The following CREB5 variants were observed in gnomAD, a reference collection of about 807,000 sequenced individuals.
The protein encoded by CREB5 is cyclic AMP-responsive element-binding protein 5.
A neutral mutation model predicts 57.1 loss-of-function variants in CREB5; 19 were observed. That is an observed-to-expected ratio of 0.33 (90% CI 0.23 to 0.49). The LOEUF (loss-of-function observed/expected upper bound fraction) is 0.49, where lower values mean the gene tolerates loss of function less well. Ranked by LOEUF, CREB5 falls within the 20% of genes least tolerant of loss-of-function variation. The probability of loss-of-function intolerance (pLI) is 0.99; values close to 1 mark genes in which losing one functional copy is unlikely to be tolerated. For synonymous variants in CREB5, 238 were observed against 238.3 expected, an observed-to-expected ratio of 1.00 and a Z score of 0.01; for missense variants, 579 against 671.6, an observed-to-expected ratio of 0.86 and a Z score of 1.52.
chr7:28,310,610 T>C (rs1583661359), intron 1 of CREB5, among the ~76,000 whole-genome samples: 3 of 152,268 alleles, frequency 2.0e-5, no homozygotes, highest in African/African-American at 7.2e-5. Flanking sequence ...TACATTTCTC[T>C]ATATATTTGT....
At chr7:28,523,814 C>G (rs922073249) in intron 4 of CREB5, among the ~76,000 whole-genome samples, 1 of 152,220 alleles carries the variant, frequency 6.6e-6, no homozygotes, top group African/African-American at 2.4e-5. Context: ...TCTCTGATCT[C>G]CCCTCACCTG....
chr7:28,752,921 G>A (rs1195233000), intron 7 of CREB5, among the ~76,000 whole-genome samples: 1 of 150,004 alleles, frequency 6.7e-6, no homozygotes. Flanking sequence ...GCCAGAATTA[G>A]TGGGAAGGTC....
intron 5 of CREB5, among the ~76,000 whole-genome samples, chr7:28,628,423 T>G (rs1002932649): frequency 6.6e-6 from 1 of 152,148 alleles, no homozygotes; most frequent in Non-Finnish European, 1.5e-5. Context: ...TTAGCATCTG[T>G]CAGTCTACTT....
intron 4 of CREB5, among the ~76,000 whole-genome samples, chr7:28,548,282 C>T (rs529501348): frequency 8.5e-5 from 13 of 152,194 alleles, no homozygotes; most frequent in Non-Finnish European, 1.9e-4. Flanking sequence ...TAGTCCATAC[C>T]TTTTACAATT....
chr7:28,784,503 T>C (rs1040001285), intron 7 of CREB5, among the ~76,000 whole-genome samples: 11 of 147,510 alleles, frequency 7.5e-5, no homozygotes, highest in East Asian at 1.9e-4. Context: ...GATTTTTTTT[T>C]CCCCCTCCTG....
chr7:28,476,051 A>T (rs543781732), intron 1 of CREB5, among the ~76,000 whole-genome samples: 5 of 152,346 alleles, frequency 3.3e-5, no homozygotes, highest in African/African-American at 1.2e-4. Context: ...AGCCCAACGC[A>T]GTGGAATGAA....
intron 1 of CREB5, among the ~76,000 whole-genome samples, chr7:28,414,260 A>G (rs1051518794): frequency 2.7e-5 from 4 of 148,000 alleles, no homozygotes; most frequent in Admixed American, 1.4e-4. Flanking sequence ...GCTTCTTACA[A>G]ATTGGATTTC....
intron 1 of CREB5, among the ~76,000 whole-genome samples, chr7:28,405,680 G>A (rs1307039639): frequency 2.6e-5 from 4 of 152,176 alleles, no homozygotes; most frequent in Non-Finnish European, 5.9e-5. Flanking sequence ...GCCTCCCAAA[G>A]AGCTGTGGTT....
intron 3 of CREB5, among the ~76,000 whole-genome samples, chr7:28,498,777 T>A (rs1302009739): frequency 6.6e-6 from 1 of 152,180 alleles, no homozygotes; most frequent in African/African-American, 2.4e-5. Flanking sequence ...GCACAACCCT[T>A]CGCCTGGGTC....
intron 7 of CREB5, among the ~76,000 whole-genome samples, chr7:28,800,285 A>T (rs1808285942): frequency 6.6e-6 from 1 of 151,538 alleles, no homozygotes; most frequent in African/African-American, 2.4e-5. Context: ...GAAGAAAGGG[A>T]AAGAGCGTCC....
At chr7:28,811,358 G>A (rs751908130) in intron 9 of CREB5, among the ~76,000 whole-genome samples, 3 of 152,160 alleles carry the variant, frequency 2.0e-5, no homozygotes, top group Non-Finnish European at 4.4e-5. Context: ...AGGCACAGTA[G>A]TATCTGAAAA....
chr7:28,604,874 T>C (rs1472492952), intron 5 of CREB5, among the ~76,000 whole-genome samples: 1 of 152,172 alleles, frequency 6.6e-6, no homozygotes, highest in East Asian at 1.9e-4. Context: ...TTGTTTTATT[T>C]TTAAAAAGAT....
At chr7:28,322,222 G>A (rs1202337582) in intron 1 of CREB5, among the ~76,000 whole-genome samples, 1 of 152,092 alleles carries the variant, frequency 6.6e-6, no homozygotes, top group Non-Finnish European at 1.5e-5. Flanking sequence ...GGGTAAAACA[G>A]AATTAACGGA....
At chr7:28,753,895 A>G (rs1805126363) in intron 7 of CREB5, among the ~76,000 whole-genome samples, 2 of 152,124 alleles carry the variant, frequency 1.3e-5, no homozygotes, top group East Asian at 3.9e-4. Flanking sequence ...GAGAAGGTTA[A>G]CCCTACCAGG....
At chr7:28,390,350 G>T (rs938952175) in intron 1 of CREB5, among the ~76,000 whole-genome samples, 25 of 152,256 alleles carry the variant, frequency 1.6e-4, no homozygotes, top group Middle Eastern at 3.4e-3. Flanking sequence ...CTGCACTAAT[G>T]CTTATCGGCA....
intron 1 of CREB5, among the ~76,000 whole-genome samples, chr7:28,422,743 A>G (rs1471549672): frequency 1.3e-5 from 2 of 152,220 alleles, no homozygotes; most frequent in Admixed American, 6.5e-5. Context: ...AACCAGAGCT[A>G]ATGAACTTCC....
intron 5 of CREB5, among the ~76,000 whole-genome samples, chr7:28,603,180 G>A (rs1472416389): frequency 6.6e-6 from 1 of 152,150 alleles, no homozygotes; most frequent in Non-Finnish European, 1.5e-5. Context: ...CTAATTGGCT[G>A]ACTGCTCTTT....
chr7:28,572,176 T>C (rs565017032), intron 5 of CREB5, among the ~76,000 whole-genome samples: 1 of 152,290 alleles, frequency 6.6e-6, no homozygotes, highest in South Asian at 2.1e-4. Flanking sequence ...CCTTAAGAAA[T>C]GAGAGTAATG....
chr7:28,540,098 A>G (rs1192588804), intron 4 of CREB5, among the ~76,000 whole-genome samples: 1 of 152,200 alleles, frequency 6.6e-6, no homozygotes, highest in Non-Finnish European at 1.5e-5. Context: ...TATAAAGGGC[A>G]TTTCCAAAAC....
Sources: gnomAD v4.1 joint callset for allele counts (sites outside exome capture counted in the v4.1 genomes callset) on GRCh38, gnomAD v4.1.1 for gene constraint, MANE v1.5 for transcripts, NCBI Gene and HGNC (gene_info 2026-07-23, HGNC 2026-07-21) for gene names.